Variants in NRG3 observed in about 807,000 individuals in gnomAD.
NRG3 encodes the protein pro-neuregulin-3, membrane-bound isoform.
Under a neutral mutation model 66.9 loss-of-function variants are expected in NRG3, and 31 were observed. That is an observed-to-expected ratio of 0.46 (90% CI 0.35 to 0.63). The LOEUF (loss-of-function observed/expected upper bound fraction) is 0.63. NRG3 is among the 20% of genes least tolerant of loss of function. The probability of loss-of-function intolerance (pLI) is 0.00; values close to 1 mark genes in which losing one functional copy is unlikely to be tolerated. For synonymous variants in NRG3, 393 were observed against 359.4 expected (o/e 1.09, Z -1.06); for missense variants, 910 against 878.9 (o/e 1.04, Z -0.45).
In NRG3 at chr10:82,343,935, A is replaced by G. The variant is rs141115195; in HGVS notation, c.824-14804A>G. Among the ~76,000 whole-genome samples, 246 of 152,280 alleles carry G rather than the reference A, an allele frequency of 1.6e-3. 1 individual carries two copies. Among genetic ancestry groups the G allele is most frequent in the Non-Finnish European group, 2.3e-3 (159 of 68,020 alleles). On this transcript the variant is annotated intron_variant, in intron 1 of 8. Transcript: ENST00000372141. Reference sequence around the variant, plus strand: ...TTCTGATTAGTCCTGTAATTTCCATATGACTTATTAAATATTTTGAACATC... The same window carrying G: ...TTCTGATTAGTCCTGTAATTTCCATGTGACTTATTAAATATTTTGAACATC...
intron 2 of NRG3, among the ~76,000 whole-genome samples, chr10:82,677,904 C>T (rs2053831490): frequency 1.3e-5 from 2 of 152,202 alleles, no homozygotes; most frequent in African/African-American, 4.8e-5. Context: ...TCCATTGATT[C>T]TCCCTTTGGA....
At chr10:82,235,564 C>A (rs559444849) in intron 1 of NRG3, among the ~76,000 whole-genome samples, 2 of 152,106 alleles carry the variant, frequency 1.3e-5, no homozygotes, top group Non-Finnish European at 2.9e-5. Context: ...AGTAATCTCC[C>A]ACTGCTCTTA....
intron 3 of NRG3, among the ~76,000 whole-genome samples, chr10:82,837,648 A>G (rs1478250055): frequency 6.6e-6 from 1 of 152,198 alleles, no homozygotes; most frequent in Non-Finnish European, 1.5e-5. Flanking sequence ...CAGACTAACC[A>G]GCTGGTGCAG....
intron 1 of NRG3, among the ~76,000 whole-genome samples, chr10:82,311,082 G>T: frequency 1.8e-5 from 1 of 55,634 alleles, no homozygotes. Context: ...TCCTCCCCTG[G>T]TTACTGATGA....
intron 1 of NRG3, among the ~76,000 whole-genome samples, chr10:82,076,132 A>G (rs1205352391): frequency 2.0e-5 from 3 of 152,136 alleles, no homozygotes; most frequent in East Asian, 3.9e-4. Context: ...TCTTCTAGTT[A>G]GGGCAGCAAT....
At chr10:82,756,102 A>T (rs963264708) in intron 3 of NRG3, among the ~76,000 whole-genome samples, 2 of 151,974 alleles carry the variant, frequency 1.3e-5, no homozygotes, top group African/African-American at 2.4e-5. Context: ...CTAAGAAAGC[A>T]GATGGTGGAT....
At chr10:81,985,474 T>C (rs1178912379) in intron 1 of NRG3, among the ~76,000 whole-genome samples, 1 of 152,186 alleles carries the variant, frequency 6.6e-6, no homozygotes, top group African/African-American at 2.4e-5. Flanking sequence ...TGCAATCACT[T>C]AAGTCTATAA....
At chr10:82,249,506 T>C (rs1476742089) in intron 1 of NRG3, among the ~76,000 whole-genome samples, 1 of 152,224 alleles carries the variant, frequency 6.6e-6, no homozygotes, top group Non-Finnish European at 1.5e-5. Context: ...TAGTAGCAGA[T>C]ACTGTTGGAT....
At chr10:82,503,580 T>C (rs1224790546) in intron 2 of NRG3, among the ~76,000 whole-genome samples, 1 of 152,200 alleles carries the variant, frequency 6.6e-6, no homozygotes, top group Non-Finnish European at 1.5e-5. Flanking sequence ...AGAAAGCTTA[T>C]GACAGTAGAT....
At chr10:82,783,083 T>C (rs1418400661) in intron 3 of NRG3, among the ~76,000 whole-genome samples, 1 of 152,162 alleles carries the variant, frequency 6.6e-6, no homozygotes, top group Non-Finnish European at 1.5e-5. Context: ...TAATCCAGCA[T>C]ATAAACAGAA....
chr10:81,893,982 T>C (rs6584391), intron 1 of NRG3, among the ~76,000 whole-genome samples: 145,481 of 152,310 alleles, frequency 0.96, 69,542 homozygotes, highest in East Asian at 1. Context: ...CGTGTGAAGC[T>C]ATCTCTATCA....
At chr10:82,053,172 G>C (rs550572810) in intron 1 of NRG3, among the ~76,000 whole-genome samples, 42 of 151,786 alleles carry the variant, frequency 2.8e-4, no homozygotes, top group African/African-American at 9.9e-4. Context: ...AAAATTGGGA[G>C]ACATAGGCAG....
At position 82,800,689 on chromosome 10, in the gene NRG3, G is replaced by A. The variant is rs148054321; in HGVS notation, c.1027+62039G>A. The stretch of plus-strand genomic sequence containing the variant: ...TGTATTATAATATTTGGAAGTTATA[G>A]GAGATTAGCAAACAAGCTGCAAAGT... On this transcript the variant is annotated intron_variant, in intron 3 of 8. Coordinates refer to ENST00000372141, the MANE Select transcript of NRG3 (RefSeq NM_001010848.4). Among the ~76,000 whole-genome samples, 823 of 152,264 alleles carry A rather than the reference G, an allele frequency of 5.4e-3. 7 individuals carry two copies. The highest frequency in any genetic ancestry group is 0.018 in the African/African-American group (730 of 41,566).
At chr10:82,769,662 T>G (rs1387912411) in intron 3 of NRG3, among the ~76,000 whole-genome samples, 2 of 152,068 alleles carry the variant, frequency 1.3e-5, no homozygotes, top group Admixed American at 6.6e-5. Flanking sequence ...AGACTAAATT[T>G]TAAACCTCAG....
At chr10:82,389,262 A>G (rs1275428623) in intron 2 of NRG3, among the ~76,000 whole-genome samples, 1 of 152,194 alleles carries the variant, frequency 6.6e-6, no homozygotes, top group Admixed American at 6.6e-5. Flanking sequence ...CCATGCTGAC[A>G]GGAATAGCAT....
intron 2 of NRG3, among the ~76,000 whole-genome samples, chr10:82,473,998 A>G (rs1460585614): frequency 6.6e-6 from 1 of 152,112 alleles, no homozygotes; most frequent in East Asian, 1.9e-4. Flanking sequence ...ATGTATATGA[A>G]GAATTGGGGG....
At chr10:82,163,404 T>G (rs1303654142) in intron 1 of NRG3, among the ~76,000 whole-genome samples, 1 of 152,160 alleles carries the variant, frequency 6.6e-6, no homozygotes, top group Non-Finnish European at 1.5e-5. Context: ...ATTTGGATAA[T>G]GGTGAGAAGC....
intron 1 of NRG3, among the ~76,000 whole-genome samples, chr10:82,217,412 C>T (rs926705720): frequency 6.6e-6 from 1 of 152,116 alleles, no homozygotes; most frequent in African/African-American, 2.4e-5. Flanking sequence ...AGGCTCCCTC[C>T]CAGACTTTCT....
intron 2 of NRG3, among the ~76,000 whole-genome samples, chr10:82,453,757 G>A (rs1193166237): frequency 6.9e-6 from 1 of 144,984 alleles, no homozygotes; most frequent in African/African-American, 2.6e-5. Flanking sequence ...GTTATTTAAC[G>A]GTCTTGTCTT....
Sources: gnomAD v4.1 joint callset for allele counts (sites outside exome capture counted in the v4.1 genomes callset) on GRCh38, gnomAD v4.1.1 for gene constraint, MANE v1.5 for transcripts, NCBI Gene and HGNC (gene_info 2026-07-23, HGNC 2026-07-21) for gene names.